SLC17A1: variants seen among roughly 807,000 people sequenced by gnomAD.
SLC17A1 encodes the protein solute carrier family 17 member 1.
A neutral mutation model predicts 53.5 loss-of-function variants in SLC17A1; 51 were observed. The ratio of observed to expected loss-of-function variants is 0.95; its 90% CI spans 0.76 to 1.20. The LOEUF (loss-of-function observed/expected upper bound fraction) is 1.20, where lower values mean the gene tolerates loss of function less well. Among genes scored for constraint, SLC17A1 ranks in the 50% most tolerant of loss-of-function variants. SLC17A1 has a pLI of 0.00. For missense variants in SLC17A1, 538 were observed against 568.2 expected (o/e 0.95, Z 0.54); for synonymous variants, 179 against 198.8 (o/e 0.90, Z 0.84).
chr6:25,787,382 C>T lies in SLC17A1; in HGVS notation c.*3-4164G>A, dbSNP rs189493943. On this transcript the variant is annotated intron_variant, in intron 12 of 12. Transcript: ENST00000244527. ...GGGAAATAATAAGCAAGGTAGGCTG[C>T]CTCACTGCAGGGCCAGATTAAGAAC... Among the ~76,000 whole-genome samples, 572 of 152,052 alleles carry T rather than the reference C, an allele frequency of 3.8e-3. 2 individuals carry two copies. The highest frequency in any genetic ancestry group is 6.2e-3 in the Non-Finnish European group (424 of 67,978).
chr6:25,726,867 C>G, the SLC17A1 span: 20 of 1,572,358 alleles, frequency 1.3e-5, no homozygotes, highest in East Asian at 2.2e-5. Context: ...CTGTGTAACC[C>G]TGGAAAAGAA....
chr6:25,773,365 G>A, the SLC17A1 span: 1 of 1,613,930 alleles, frequency 6.2e-7, no homozygotes, highest in Non-Finnish European at 8.5e-7. Flanking sequence ...GGTGAGAAGA[G>A]ATACATTGTG....
At chr6:25,814,126 G>GT (rs1241064299) in intron 6 of SLC17A1, among the ~76,000 whole-genome samples, 1 of 152,298 alleles carries the variant, frequency 6.6e-6, no homozygotes, top group Admixed American at 6.5e-5. Flanking sequence ...GTTTCTATGA[G>GT]TTTTTTATAT....
chr6:25,727,114 CTGA>C, the SLC17A1 span: 1 of 1,614,238 alleles, frequency 6.2e-7, no homozygotes, highest in Non-Finnish European at 8.5e-7. Context: ...TCCTTCGTCA[CTGA>C]TATCTTTGAG....
At chr6:25,760,034 A>G in the SLC17A1 span, among the ~76,000 whole-genome samples, 1 of 152,214 alleles carries the variant, frequency 6.6e-6, no homozygotes, top group Non-Finnish European at 1.5e-5. Context: ...TGAAGCAGCA[A>G]TACAAGTGGG....
chr6:25,773,838 T>C, the SLC17A1 span, among the ~76,000 whole-genome samples: 2 of 152,182 alleles, frequency 1.3e-5, no homozygotes, highest in Admixed American at 1.3e-4. Flanking sequence ...TTCTGATTGA[T>C]CTCAATGTGG....
the SLC17A1 span, chr6:25,776,705 C>T: frequency 5.0e-6 from 8 of 1,613,952 alleles, no homozygotes; most frequent in Non-Finnish European, 6.8e-6. Flanking sequence ...TCATCACCAT[C>T]AGGAAACTCT....
the SLC17A1 span, among the ~76,000 whole-genome samples, chr6:25,754,479 C>T: frequency 6.6e-6 from 1 of 152,054 alleles, no homozygotes; most frequent in African/African-American, 2.4e-5. Context: ...GTCAGTGAAA[C>T]ATGTGGGGTG....
At chr6:25,725,999 G>C in the SLC17A1 span, 1 of 793,926 alleles carries the variant, frequency 1.3e-6, no homozygotes, top group Non-Finnish European at 2.0e-6. Flanking sequence ...ATTTGTGACA[G>C]GCAAGTAAGA....
the SLC17A1 span, among the ~76,000 whole-genome samples, chr6:25,741,556 G>T: frequency 3.3e-5 from 5 of 152,044 alleles, no homozygotes; most frequent in Admixed American, 6.5e-5. Context: ...CTGTACTGAA[G>T]ATACAAAAAT....
downstream of SLC17A1, among the ~76,000 whole-genome samples, chr6:25,782,212 G>T (rs1040072997): frequency 1.3e-5 from 2 of 152,128 alleles, no homozygotes; most frequent in African/African-American, 2.4e-5. Context: ...TGGAAGGGAG[G>T]CAGTAAGTGG....
At chr6:25,737,912 T>C in the SLC17A1 span, among the ~76,000 whole-genome samples, 2 of 152,340 alleles carry the variant, frequency 1.3e-5, no homozygotes, top group South Asian at 4.1e-4. Context: ...TAGATTGGTA[T>C]CTAAGATCAG....
chr6:25,755,572 G>A, the SLC17A1 span, among the ~76,000 whole-genome samples: 1 of 152,142 alleles, frequency 6.6e-6, no homozygotes, highest in Admixed American at 6.5e-5. Flanking sequence ...GTCTTGGCAA[G>A]AAAAACTGAT....
the SLC17A1 span, among the ~76,000 whole-genome samples, chr6:25,745,410 A>G: frequency 6.6e-6 from 1 of 152,218 alleles, no homozygotes; most frequent in Non-Finnish European, 1.5e-5. Context: ...TGTTAAAAAC[A>G]TACCAGCACA....
intron 8 of SLC17A1, 136 bp from the exon 9 acceptor site, chr6:25,811,906 A>G: frequency 1.1e-6 from 1 of 913,604 alleles, no homozygotes; most frequent in Non-Finnish European, 1.6e-6. Context: ...CAACAACAGA[A>G]TTACTGCTGG....
chr6:25,748,245 G>T, the SLC17A1 span, among the ~76,000 whole-genome samples: 1 of 152,058 alleles, frequency 6.6e-6, no homozygotes, highest in Non-Finnish European at 1.5e-5. Context: ...TCAATCCATG[G>T]CAGGGTTAGC....
the SLC17A1 span, chr6:25,732,907 C>CAAAAA: frequency 3.8e-4 from 96 of 249,896 alleles, no homozygotes; most frequent in East Asian, 8.6e-3. Context: ...AAAACAAAAA[C>CAAAAA]CCCAAAGCTG....
chr6:25,761,404 A>T, the SLC17A1 span, among the ~76,000 whole-genome samples: 1 of 152,086 alleles, frequency 6.6e-6, no homozygotes, highest in Non-Finnish European at 1.5e-5. Flanking sequence ...ACATCACTGA[A>T]ATTGATGCTT....
the SLC17A1 span, among the ~76,000 whole-genome samples, chr6:25,748,687 G>T: frequency 6.6e-6 from 1 of 152,184 alleles, no homozygotes; most frequent in Non-Finnish European, 1.5e-5. Flanking sequence ...CACTGTCTCA[G>T]CAAGAGGAAT....
Sources: allele counts gnomAD v4.1 joint callset (sites outside exome capture counted in the v4.1 genomes callset), GRCh38; gene constraint gnomAD v4.1.1; transcripts MANE v1.5; gene names NCBI Gene and HGNC (gene_info 2026-07-23, HGNC 2026-07-21).